The following TRIO variants were observed in gnomAD, a reference collection of about 807,000 sequenced individuals.
TRIO encodes the protein triple functional domain protein.
Under a neutral mutation model 351.9 loss-of-function variants are expected in TRIO, and 58 were observed. The observed-to-expected ratio is 0.16, with a 90% CI of 0.13 to 0.21. The LOEUF (loss-of-function observed/expected upper bound fraction) is 0.21, where lower values mean the gene tolerates loss of function less well. Ranked by LOEUF, TRIO falls within the 10% of genes least tolerant of loss-of-function variation. The pLI, the probability that TRIO is intolerant of heterozygous loss-of-function variation, is 1.00. For synonymous variants in TRIO, 1,758 were observed against 1,595.7 expected (o/e 1.10, Z -2.42); for missense variants, 3,201 against 4,027.8 (o/e 0.79, Z 5.56).
At chr5:14,377,071 A>G (rs758797548) in intron 19 of TRIO, among the ~76,000 whole-genome samples, 2 of 151,584 alleles carry the variant, frequency 1.3e-5, no homozygotes, top group East Asian at 1.9e-4. Flanking sequence ...TATGTTCCCA[A>G]TGCTTAAAAA....
At position 14,291,031 on chromosome 5, in the gene TRIO, A is replaced by T. The variant is rs1355149129; in HGVS notation, c.856A>T (p.Ile286Leu). 1 of 1,614,066 alleles carries T rather than the reference A, an allele frequency of 6.2e-7. No individual in the cohort carries two copies. Among genetic ancestry groups the T allele is most frequent in the Non-Finnish European group, 8.5e-7 (1 of 1,180,032 alleles). The part of the protein sequence containing the change: ...DLEGQKLLQR[I>L]QSSESFPKKN... Reference sequence around the variant, plus strand: ...GGAGGGACAGAAGCTGCTTCAGAGGATACAGAGCAGTGAAAGCTTTCCCAA... The same window carrying T: ...GGAGGGACAGAAGCTGCTTCAGAGGTTACAGAGCAGTGAAAGCTTTCCCAA... The change falls in exon 5 of 57, where the codon ATA becomes TTA. Residue 286 changes from isoleucine to leucine, a missense_variant. Ile to Leu is a conservative substitution (Grantham distance 5). Around this residue, in one of 19 missense-constraint regions of TRIO, gnomAD observed 349 missense variants for 449.3 expected, o/e 0.78. Transcript: ENST00000344204.
At chr5:14,392,784 C>CT (rs1747209440) in intron 27 of TRIO, among the ~76,000 whole-genome samples, 1 of 152,192 alleles carries the variant, frequency 6.6e-6, no homozygotes, top group South Asian at 2.1e-4. Context: ...CAGCGGCTCA[C>CT]GCCTGTAATC....
intron 31 of TRIO, among the ~76,000 whole-genome samples, chr5:14,403,682 G>GT (rs1748406698): frequency 7.5e-6 from 1 of 132,754 alleles, no homozygotes; most frequent in African/African-American, 2.9e-5. Flanking sequence ...GAGGGTGCAG[G>GT]TGGTGGTGAG....
chr5:14,171,975 C>T (rs1047269570), intron 1 of TRIO, among the ~76,000 whole-genome samples: 5 of 152,182 alleles, frequency 3.3e-5, no homozygotes, highest in Non-Finnish European at 7.3e-5. Flanking sequence ...AATCCCATTC[C>T]TCTTATGTTT....
Position 14,364,934 on chromosome 5 carries a change from T to A in TRIO, c.2754+118T>A. 4.7e-6 allele frequency: 6 copies of A among 1,282,020 alleles called. 1 individual carries two copies. The South Asian group carries it at 7.8e-5, about 17-fold the overall frequency. The allele number at this position is 1,282,020 out of a possible 1,614,324, so 79.4% of individuals were successfully genotyped here. ...GGATTGTGCCTGCTCAGAACACAGC[T>A]TTCCTGATATGTAAGATAATGCGCA... On this transcript the variant is annotated intron_variant, in intron 15 of 56. Coordinates refer to ENST00000344204, the MANE Select transcript of TRIO (RefSeq NM_007118.4).
Position 14,485,052 on chromosome 5 carries a change from G to GTTTTT in TRIO, c.6658-8_6658-4dup. Reference sequence around the variant, plus strand: ...CCACCTGTTAGCTATTATGAATAATGTTTTTTTTTTTTTAAGGTGAGTTGC... The same window carrying GTTTTT: ...CCACCTGTTAGCTATTATGAATAATGTTTTTTTTTTTTTTTTTTAAGGTGAGTTGC... On this transcript the variant is annotated splice_polypyrimidine_tract_variant and intron_variant, in intron 46 of 56. Coordinates refer to ENST00000344204, the MANE Select transcript of TRIO (RefSeq NM_007118.4). The GTTTTT allele has an allele frequency of 1.5e-6, 2 of 1,347,994 alleles. No homozygotes were observed. Among genetic ancestry groups the GTTTTT allele is most frequent in the Non-Finnish European group, 2.0e-6 (2 of 1,000,162 alleles). The allele number at this position is 1,347,994 out of a possible 1,614,324, so 83.5% of individuals were successfully genotyped here.
chr5:14,390,082 G>A (rs1746915303), intron 25 of TRIO, 149 bp from the exon 26 acceptor site: 2 of 677,560 alleles, frequency 3.0e-6, no homozygotes, highest in East Asian at 2.8e-5. Context: ...CTGGCTAGCT[G>A]TTTGAAAGTC....
At chr5:14,359,230 A>G in intron 12 of TRIO, 127 bp from the exon 13 acceptor site, 1 of 1,180,980 alleles carries the variant, frequency 8.5e-7, no homozygotes, top group Non-Finnish European at 1.2e-6. Flanking sequence ...AGCCCGTTCC[A>G]TTTTCTGAGA....
At chr5:14,233,487 G>C (rs706278) in intron 1 of TRIO, among the ~76,000 whole-genome samples, 54,295 of 151,318 alleles carry the variant, frequency 0.36, 10,282 homozygotes, top group African/African-American at 0.47. Flanking sequence ...GAGACTCTCT[G>C]TCAAAAGAAA....
intron 9 of TRIO, among the ~76,000 whole-genome samples, chr5:14,327,698 G>A (rs1740509111): frequency 6.6e-6 from 1 of 152,112 alleles, no homozygotes; most frequent in Non-Finnish European, 1.5e-5. Context: ...TAGCCCTCCT[G>A]TAGATCTTAC....
At chr5:14,481,769 T>TA in intron 45 of TRIO, 151 bp downstream of exon 45, 1 of 505,884 alleles carries the variant, frequency 2.0e-6, no homozygotes, top group Non-Finnish European at 3.2e-6. Context: ...ATATTTTATT[T>TA]CCTTTTTTTT....
chr5:14,431,119 G>A (rs1751084642), intron 34 of TRIO, among the ~76,000 whole-genome samples: 1 of 152,250 alleles, frequency 6.6e-6, no homozygotes, highest in Non-Finnish European at 1.5e-5. Flanking sequence ...GGGGGTAGGA[G>A]GCTACCCTTT....
chr5:14,432,112 T>C (rs27939), intron 34 of TRIO, among the ~76,000 whole-genome samples: 73,669 of 152,042 alleles, frequency 0.48, 20,385 homozygotes, highest in African/African-American at 0.75. Context: ...ACAGAGAGCA[T>C]GGGGTGCGGA....
intron 45 of TRIO, 51 bp from the exon 46 acceptor site, chr5:14,482,531 A>T: frequency 7.6e-7 from 1 of 1,320,164 alleles, no homozygotes; most frequent in Non-Finnish European, 9.9e-7. Flanking sequence ...ATAACTTAGA[A>T]GGCAATGTTT....
chr5:14,445,710 C>T (rs769798059), intron 34 of TRIO, among the ~76,000 whole-genome samples: 3 of 152,148 alleles, frequency 2.0e-5, no homozygotes, highest in Non-Finnish European at 4.4e-5. Context: ...ATATATTAGC[C>T]CTAAGGCAAC....
At chr5:14,435,492 T>C (rs1030901271) in intron 34 of TRIO, among the ~76,000 whole-genome samples, 36 of 152,226 alleles carry the variant, frequency 2.4e-4, no homozygotes, top group Non-Finnish European at 2.9e-5. Context: ...TGGGGAAATA[T>C]TTTTGAACTG....
chr5:14,273,616 C>G (rs1024991179), intron 2 of TRIO, among the ~76,000 whole-genome samples: 1 of 152,200 alleles, frequency 6.6e-6, no homozygotes, highest in Non-Finnish European at 1.5e-5. Context: ...TATAAAGAGG[C>G]TTTACCCTTG....
chr5:14,364,737 T>C lies in TRIO; in HGVS notation c.2675T>C (p.Leu892Ser). ...TTTCTTCATGAAAAACAGCAGGAATTGGATTTAGCCGCAGAGCAGCATCGG... is the reference window on the plus strand; with the variant it reads ...TTTCTTCATGAAAAACAGCAGGAATCGGATTTAGCCGCAGAGCAGCATCGG... The part of the protein sequence containing the change: ...LEFLHEKQQE[L>S]DLAAEQHRKH... Residue 892 changes from leucine (L) to serine (S), a missense_variant, in exon 15 of 57, where the codon TTG (leucine) becomes TCG (serine). Leu to Ser is a moderately radical substitution (Grantham distance 145, BLOSUM62 -2). Transcript: ENST00000344204. 1.2e-6 allele frequency: 2 copies of C among 1,612,998 alleles called. No homozygotes were observed. Among genetic ancestry groups the C allele is most frequent in the Non-Finnish European group, 1.7e-6 (2 of 1,179,994 alleles).
intron 49 of TRIO, among the ~76,000 whole-genome samples, chr5:14,495,647 C>T (rs26109): frequency 0.12 from 13,773 of 117,956 alleles, 862 homozygotes; most frequent in Admixed American, 0.19. Flanking sequence ...AGTGAAACCC[C>T]GTCTCTACTA....
Sources: gnomAD v4.1 joint callset for allele counts (sites outside exome capture counted in the v4.1 genomes callset) on GRCh38, gnomAD v4.1.1 for gene constraint, gnomAD v4.1.1 regional missense constraint, MANE v1.5 for transcripts, NCBI Gene and HGNC (gene_info 2026-07-23, HGNC 2026-07-21) for gene names.